Variants in UGT1A8 observed in about 807,000 individuals in gnomAD.
UGT1A8 encodes UDP glucuronosyltransferase family 1 member A8.
In UGT1A8, 39 loss-of-function variants were observed where a neutral mutation model predicts 45.3. The observed-to-expected ratio is 0.86, with a 90% CI of 0.67 to 1.12. The LOEUF is 1.12. Among genes scored for constraint, UGT1A8 ranks in the 50% most tolerant of loss-of-function variants. UGT1A8 has a pLI of 0.00. For missense variants in UGT1A8, 719 were observed against 664.9 expected, an observed-to-expected ratio of 1.08 and a Z score of -0.90; for synonymous variants, 275 against 249.2, an observed-to-expected ratio of 1.10 and a Z score of -0.97.
chr2:233,689,854 C>T (rs994094401), intron 1 of UGT1A8: 1 of 455,394 alleles, frequency 2.2e-6, no homozygotes, highest in Non-Finnish European at 4.4e-6. Flanking sequence ...TTGTTTTAGG[C>T]TACTATTACC....
chr2:233,753,309 CCT>C (rs1299890388), intron 1 of UGT1A8: 3 of 152,212 alleles, frequency 2.0e-5, no homozygotes, highest in African/African-American at 7.2e-5. Context: ...CCCGTGTGCC[CCT>C]GTGGGATGGT....
intron 1 of UGT1A8, among the ~76,000 whole-genome samples, chr2:233,666,049 G>A (rs2074069995): frequency 6.6e-6 from 1 of 152,212 alleles, no homozygotes; most frequent in South Asian, 2.1e-4. Context: ...GATACAAGAA[G>A]CATGGCACCA....
intron 1 of UGT1A8, among the ~76,000 whole-genome samples, chr2:233,675,736 T>G (rs1310282086): frequency 6.6e-6 from 1 of 152,232 alleles, no homozygotes; most frequent in Non-Finnish European, 1.5e-5. Flanking sequence ...CTCTACTAAT[T>G]CATCTATCCC....
At chr2:233,730,125 A>G (rs2077990033) in intron 1 of UGT1A8, 5 of 1,544,888 alleles carry the variant, frequency 3.2e-6, no homozygotes, top group Non-Finnish European at 4.4e-6. Flanking sequence ...TTGTCATAAT[A>G]GCCTTCAGTG....
At position 233,698,306 on chromosome 2, in the gene UGT1A8, A is replaced by G. The variant is rs1425577629; in HGVS notation, c.856-68728A>G. On this transcript the variant is annotated intron_variant, in intron 1 of 4. Coordinates refer to ENST00000373450, the MANE Select transcript of UGT1A8 (RefSeq NM_019076.5). ...TGAAAAAAAATGTGTCTTTGGACAG[A>G]TGGAAATGTCTGGAACCAGATAGAG... 3.3e-5 allele frequency among the ~76,000 whole-genome samples: 5 copies of G among 152,386 alleles called. No homozygotes were observed. In the East Asian group the frequency reaches 9.6e-4, roughly 29 times the overall value.
intron 1 of UGT1A8, among the ~76,000 whole-genome samples, chr2:233,653,153 C>T (rs1037812396): frequency 2.0e-5 from 3 of 152,120 alleles, no homozygotes; most frequent in South Asian, 2.1e-4. Context: ...GAGAGATCAA[C>T]GTCCTACAAA....
At chr2:233,689,497 C>T (rs184690835) in intron 1 of UGT1A8, among the ~76,000 whole-genome samples, 101 of 152,280 alleles carry the variant, frequency 6.6e-4, no homozygotes, top group African/African-American at 2.2e-3. Flanking sequence ...CAAATCAATA[C>T]GCAGAGGTTA....
At chr2:233,697,815 A>T (rs1380168225) in intron 1 of UGT1A8, among the ~76,000 whole-genome samples, 2 of 152,006 alleles carry the variant, frequency 1.3e-5, no homozygotes, top group African/African-American at 4.8e-5. Context: ...TTTCTTTTTA[A>T]TTTCAAGAAA....
At chr2:233,634,141 A>G (rs1321032039) in intron 1 of UGT1A8, among the ~76,000 whole-genome samples, 2 of 152,134 alleles carry the variant, frequency 1.3e-5, no homozygotes, top group African/African-American at 2.4e-5. Flanking sequence ...CTTAATCCCG[A>G]GTTCTAATTT....
intron 1 of UGT1A8, among the ~76,000 whole-genome samples, chr2:233,717,273 A>G (rs3806593): frequency 0.1 from 15,402 of 152,148 alleles, 886 homozygotes; most frequent in East Asian, 0.2. Context: ...ATAGTTGAGA[A>G]GCTGAGATGT....
At chr2:233,654,190 G>C (rs1210653761) in intron 1 of UGT1A8, among the ~76,000 whole-genome samples, 1 of 152,070 alleles carries the variant, frequency 6.6e-6, no homozygotes, top group Non-Finnish European at 1.5e-5. Flanking sequence ...AGAAGAAAAA[G>C]TAAAAGAAAA....
intron 1 of UGT1A8, among the ~76,000 whole-genome samples, chr2:233,726,813 T>C (rs2077563444): frequency 6.6e-6 from 1 of 152,232 alleles, no homozygotes; most frequent in Non-Finnish European, 1.5e-5. Context: ...GAGGTTTTCC[T>C]CTATTCGACC....
At chr2:233,620,050 T>C (rs905304132) in intron 1 of UGT1A8, among the ~76,000 whole-genome samples, 2 of 152,214 alleles carry the variant, frequency 1.3e-5, no homozygotes, top group African/African-American at 4.8e-5. Context: ...TTATTAGGGA[T>C]GGAGTATACA....
intron 1 of UGT1A8, chr2:233,747,485 C>T: frequency 6.2e-7 from 1 of 1,608,768 alleles, no homozygotes; most frequent in Non-Finnish European, 8.5e-7. Flanking sequence ...AATTTGATCG[C>T]CTTGTGCTGG....
intron 1 of UGT1A8, among the ~76,000 whole-genome samples, chr2:233,639,454 C>T (rs930673308): frequency 6.6e-6 from 1 of 152,220 alleles, no homozygotes; most frequent in Non-Finnish European, 1.5e-5. Context: ...GCATATTGCT[C>T]TTTCCTTGTT....
intron 1 of UGT1A8, among the ~76,000 whole-genome samples, chr2:233,728,438 T>G (rs767201537): frequency 1.4e-4 from 22 of 152,276 alleles, no homozygotes; most frequent in Non-Finnish European, 2.1e-4. Context: ...CCATGGTGTA[T>G]ATGGAGAATC....
chr2:233,673,065 A>G (rs1405138738), intron 1 of UGT1A8, among the ~76,000 whole-genome samples: 1 of 152,220 alleles, frequency 6.6e-6, no homozygotes, highest in African/African-American at 2.4e-5. Flanking sequence ...AAACCACAGT[A>G]AGAAATGAAA....
intron 1 of UGT1A8, among the ~76,000 whole-genome samples, chr2:233,645,401 C>T (rs1400732791): frequency 6.6e-6 from 1 of 152,210 alleles, no homozygotes; most frequent in Non-Finnish European, 1.5e-5. Context: ...CATGCCCTCC[C>T]AACAGTCCCG....
chr2:233,712,741 A>G (rs2076251056), intron 1 of UGT1A8, among the ~76,000 whole-genome samples: 1 of 149,412 alleles, frequency 6.7e-6, no homozygotes. Context: ...TTGAACTTGG[A>G]TGTTCCCCAG....
Sources: gnomAD v4.1 joint callset for allele counts (sites outside exome capture counted in the v4.1 genomes callset) on GRCh38, gnomAD v4.1.1 for gene constraint, MANE v1.5 for transcripts, NCBI Gene and HGNC (gene_info 2026-07-23, HGNC 2026-07-21) for gene names.